Variants in ZPLD1 observed in about 807,000 individuals in gnomAD.
ZPLD1 encodes zona pellucida-like domain-containing protein 1.
ZPLD1 carries 34 observed loss-of-function variants against 47.2 expected under a neutral mutation model. The observed-to-expected ratio is 0.72, with a 90% CI of 0.55 to 0.96. ZPLD1 has a LOEUF of 0.96. Ranked by LOEUF, ZPLD1 falls within the 40% of genes least tolerant of loss-of-function variation. ZPLD1 has a pLI of 0.00. For missense variants in ZPLD1, 512 were observed against 505.8 expected (o/e 1.01, Z -0.12); for synonymous variants, 176 against 186.2 (o/e 0.95, Z 0.45).
At chr3:102,387,733 T>C (rs1021578761) in intron 6 of ZPLD1, among the ~76,000 whole-genome samples, 1 of 152,122 alleles carries the variant, frequency 6.6e-6, no homozygotes, top group African/African-American at 2.4e-5. Flanking sequence ...TTCTTTTTTA[T>C]ATTTGGCACT....
chr3:102,469,135 G>A lies in ZPLD1; in HGVS notation c.933G>A (p.Pro311=), dbSNP rs58997897. The A allele has an allele frequency of 1.2e-3, 1,954 of 1,604,620 alleles. 13 individuals carry two copies. The highest frequency in any genetic ancestry group is 8.2e-3 in the Middle Eastern group (49 of 5,988). The part of the protein sequence containing the change: ...CRADDCPFLM[P]ICSHRERRDA... Reference sequence around the variant, plus strand: ...CAGATGACTGCCCCTTCCTTATGCCGGTATGTTTTTAAGGAACTTCATTTT... The same window carrying A: ...CAGATGACTGCCCCTTCCTTATGCCAGTATGTTTTTAAGGAACTTCATTTT... Residue 311 remains proline, a splice_region_variant and synonymous_variant, in exon 9 of 12, where the codon CCG becomes CCA. Coordinates refer to ENST00000466937, the MANE Select transcript of ZPLD1 (RefSeq NM_001329788.2).
chr3:102,385,746 T>G (rs1286608249), intron 6 of ZPLD1, among the ~76,000 whole-genome samples: 1 of 152,230 alleles, frequency 6.6e-6, no homozygotes, highest in Non-Finnish European at 1.5e-5. Flanking sequence ...TAAACTTATT[T>G]CTTGGGACAT....
At chr3:102,394,257 A>G (rs1706533061) in intron 7 of ZPLD1, among the ~76,000 whole-genome samples, 2 of 152,224 alleles carry the variant, frequency 1.3e-5, no homozygotes, top group South Asian at 2.1e-4. Flanking sequence ...AGACATGACA[A>G]TAATGCAACA....
intron 8 of ZPLD1, among the ~76,000 whole-genome samples, chr3:102,468,161 T>A (rs970984821): frequency 1.3e-5 from 2 of 152,158 alleles, no homozygotes; most frequent in Non-Finnish European, 2.9e-5. Context: ...AAAAATTTGA[T>A]CCATACATTT....
chr3:102,438,166 G>A (rs1707119986), intron 2 of ZPLD1, among the ~76,000 whole-genome samples: 1 of 152,086 alleles, frequency 6.6e-6, no homozygotes, highest in African/African-American at 2.4e-5. Context: ...TAGATACTTG[G>A]TTTGCGTTCT....
chr3:102,469,861 G>A lies in ZPLD1; in HGVS notation c.934-533G>A, dbSNP rs549378472. Among the ~76,000 whole-genome samples the A allele has an allele frequency of 1.6e-4, 24 of 152,206 alleles. 1 individual carries two copies. Among genetic ancestry groups the A allele is most frequent in the African/African-American group, 5.8e-4 (24 of 41,524 alleles). On this transcript the variant is annotated intron_variant, in intron 9 of 11. Transcript: ENST00000466937. ...GAATAAAAAAAATTCTATTCTGACCGGCTCTCTAGGGCCACATCATTATTA... is the reference window on the plus strand; with the variant it reads ...GAATAAAAAAAATTCTATTCTGACCAGCTCTCTAGGGCCACATCATTATTA...
At chr3:102,451,431 T>C (rs1707335378) in intron 3 of ZPLD1, among the ~76,000 whole-genome samples, 1 of 152,226 alleles carries the variant, frequency 6.6e-6, no homozygotes, top group Admixed American at 6.5e-5. Flanking sequence ...TGTTTGTTTC[T>C]ACATGTTGAA....
chr3:102,423,126 A>C (rs1706900127), intron 8 of ZPLD1, among the ~76,000 whole-genome samples: 1 of 152,120 alleles, frequency 6.6e-6, no homozygotes, highest in African/African-American at 2.4e-5. Flanking sequence ...AAAGAAATAC[A>C]AACTGAATTC....
chr3:102,415,649 A>T (rs1251155410), intron 7 of ZPLD1, among the ~76,000 whole-genome samples: 1 of 151,904 alleles, frequency 6.6e-6, no homozygotes, highest in East Asian at 1.9e-4. Context: ...AAAGGTGCTT[A>T]TACTGAATAA....
chr3:102,438,639 A>G, intron 3 of ZPLD1, 46 bp downstream of exon 3: 1 of 1,444,204 alleles, frequency 6.9e-7, no homozygotes, highest in East Asian at 2.3e-5. Flanking sequence ...TGGAAGAGTG[A>G]TTATATTTGA....
chr3:102,472,251 G>A (rs187889447), intron 10 of ZPLD1, among the ~76,000 whole-genome samples: 23 of 152,144 alleles, frequency 1.5e-4, no homozygotes, highest in Admixed American at 1.1e-3. Context: ...GACTGGTTTG[G>A]CTGGGCGCGG....
chr3:102,395,360 C>T (rs1706545217), intron 7 of ZPLD1, among the ~76,000 whole-genome samples: 1 of 151,632 alleles, frequency 6.6e-6, no homozygotes, highest in Non-Finnish European at 1.5e-5. Flanking sequence ...TTGGAATATC[C>T]CAGTAGGTCC....
chr3:102,397,642 C>G (rs565898599), intron 7 of ZPLD1, among the ~76,000 whole-genome samples: 26 of 152,204 alleles, frequency 1.7e-4, no homozygotes, highest in African/African-American at 6.3e-4. Context: ...CAGAAGGTGC[C>G]TCTCTAGGAC....
At position 102,405,942 on chromosome 3, in the gene ZPLD1, T is replaced by A. The variant is rs531663344; in HGVS notation, c.-156-12118T>A. Among the ~76,000 whole-genome samples the A allele has an allele frequency of 3.3e-5, 5 of 152,148 alleles. No homozygotes were observed. The South Asian group carries it at 1.0e-3, about 31-fold the overall frequency. On this transcript the variant is annotated intron_variant, in intron 7 of 17. Transcript: ENST00000491959. ...TGCTTCCCGAGATTCCTCCCAGCTC[T>A]AAAATTCTCTATTCTACATCACTTA...
Position 102,457,109 on chromosome 3 carries a change from T to C in ZPLD1, c.510-672T>C, listed in dbSNP as rs186717257. ...TCTCCAATTTTAGGATTTGCTATTA[T>C]TAAGTCTTAGTTATTGCTTAATCTT... On this transcript the variant is annotated intron_variant, in intron 5 of 11. Transcript: ENST00000466937. 2.1e-3 allele frequency among the ~76,000 whole-genome samples: 326 copies of C among 152,368 alleles called. 1 individual carries two copies. The highest frequency in any genetic ancestry group is 7.5e-3 in the African/African-American group (311 of 41,590).
chr3:102,391,371 C>T (rs1186864844), intron 6 of ZPLD1, among the ~76,000 whole-genome samples: 2 of 152,130 alleles, frequency 1.3e-5, no homozygotes, highest in African/African-American at 4.8e-5. Flanking sequence ...CTCCCATCTC[C>T]CATTCCCTTC....
intron 7 of ZPLD1, among the ~76,000 whole-genome samples, chr3:102,414,931 G>A (rs1706788053): frequency 6.6e-6 from 1 of 151,828 alleles, no homozygotes; most frequent in South Asian, 2.1e-4. Context: ...TAGCCTCATA[G>A]CTGCTTGCTA....
At chr3:102,401,117 T>C (rs1452980198) in intron 7 of ZPLD1, among the ~76,000 whole-genome samples, 1 of 152,012 alleles carries the variant, frequency 6.6e-6, no homozygotes, top group Non-Finnish European at 1.5e-5. Context: ...GAAAAAAGCA[T>C]CAAAAACTTG....
intron 8 of ZPLD1, among the ~76,000 whole-genome samples, chr3:102,467,334 G>A (rs9968162): frequency 1 from 152,201 of 152,222 alleles, 76,090 homozygotes; most frequent in Middle Eastern, 1. Flanking sequence ...AGCTAATCAC[G>A]TCAAGAAAAA....
Sources: gnomAD v4.1 joint callset for allele counts (sites outside exome capture counted in the v4.1 genomes callset) on GRCh38, gnomAD v4.1.1 for gene constraint, MANE v1.5 for transcripts, NCBI Gene and HGNC (gene_info 2026-07-23, HGNC 2026-07-21) for gene names.